SLC36A3: variants seen among roughly 807,000 people sequenced by gnomAD.
SLC36A3 encodes proton-coupled amino acid transporter 3.
SLC36A3 carries 35 observed loss-of-function variants against 44.3 expected under a neutral mutation model. The ratio of observed to expected loss-of-function variants is 0.79; its 90% CI spans 0.60 to 1.05. SLC36A3 has a LOEUF of 1.05. Among genes scored for constraint, SLC36A3 ranks in the 50% least tolerant of loss-of-function variants. SLC36A3 has a pLI of 0.00. For missense variants in SLC36A3, 540 were observed against 578.7 expected (o/e 0.93, Z 0.69); for synonymous variants, 211 against 227.6 (o/e 0.93, Z 0.66).
intron 6 of SLC36A3, among the ~76,000 whole-genome samples, chr5:151,285,534 A>ATGAT (rs891646745): frequency 3.3e-5 from 5 of 152,214 alleles, no homozygotes; most frequent in African/African-American, 4.8e-5. Flanking sequence ...TCTAGGGGGA[A>ATGAT]TGATTATGTT....
At chr5:151,277,793 G>A in intron 9 of SLC36A3, 132 bp from the exon 10 acceptor site, 3 of 1,116,378 alleles carry the variant, frequency 2.7e-6, no homozygotes, top group Non-Finnish European at 3.8e-6. Context: ...GCAGGCTTGG[G>A]GAGGTCAGGC....
At chr5:151,283,655 C>T (rs181313146) in intron 8 of SLC36A3, among the ~76,000 whole-genome samples, 70 of 152,282 alleles carry the variant, frequency 4.6e-4, no homozygotes, top group African/African-American at 1.6e-3. Flanking sequence ...ATCCTACTCA[C>T]CTTGGAAAAA....
At chr5:151,301,096 G>A (rs1187944553) in intron 1 of SLC36A3, among the ~76,000 whole-genome samples, 4 of 152,196 alleles carry the variant, frequency 2.6e-5, no homozygotes, top group Admixed American at 6.5e-5. Flanking sequence ...TTAAGACAGC[G>A]AAAGAAATCA....
At position 151,277,623 on chromosome 5, in the gene SLC36A3, T is replaced by C. The variant is rs1754144014; in HGVS notation, c.1183A>G (p.Ile395Val). The C allele has an allele frequency of 1.2e-5, 19 of 1,614,108 alleles. No homozygotes were observed. Among genetic ancestry groups the C allele is most frequent in the Non-Finnish European group, 1.5e-5 (18 of 1,179,990 alleles). Residue 395 changes from isoleucine to valine, a missense_variant, in exon 10 of 10, where the codon ATC (isoleucine) becomes GTC (valine). By Grantham distance (29) the Ile-to-Val change is conservative. Transcript: ENST00000335230. ...CTGCTCACGGAGCCTACCAGGGAGA[T>C]GACCAAGTCCAGGCGGGGGATGAGG... ...AILIPRLDLV[I>V]SLVGSVSSSA...
intron 6 of SLC36A3, among the ~76,000 whole-genome samples, chr5:151,286,767 G>A (rs944117988): frequency 2.6e-5 from 4 of 152,140 alleles, no homozygotes; most frequent in Non-Finnish European, 5.9e-5. Context: ...GGTTCAATAA[G>A]TTAATGTATG....
chr5:151,292,915 C>T (rs1396006742), intron 4 of SLC36A3, among the ~76,000 whole-genome samples: 5 of 152,186 alleles, frequency 3.3e-5, no homozygotes, highest in Non-Finnish European at 5.9e-5. Flanking sequence ...ACCCAGGAGG[C>T]GGAGGTTGCA....
chr5:151,299,256 C>CTATA (rs1394218183), intron 1 of SLC36A3, among the ~76,000 whole-genome samples: 17 of 76,586 alleles, frequency 2.2e-4, no homozygotes, highest in East Asian at 1.6e-3. Context: ...CTCTCTCTCT[C>CTATA]TCTCTCTCTA....
chr5:151,302,249 T>G (rs375742831), intron 1 of SLC36A3, among the ~76,000 whole-genome samples: 6 of 152,222 alleles, frequency 3.9e-5, no homozygotes, highest in Non-Finnish European at 7.3e-5. Context: ...ACCAATTTAA[T>G]TCTTCCCAAA....
At position 151,284,125 on chromosome 5, in the gene SLC36A3, T is replaced by C. The variant is rs756503397; in HGVS notation, c.893A>G (p.Tyr298Cys). 1 of 1,613,842 alleles carries C rather than the reference T, an allele frequency of 6.2e-7. No individual in the cohort carries two copies. The highest frequency in any genetic ancestry group is 1.1e-5 in the South Asian group (1 of 91,076). Residue 298 changes from tyrosine (Y) to cysteine (C), a missense_variant, in exon 8 of 10, where the codon TAT becomes TGT. Transcript: ENST00000335230. ...YLGMSIVIIL[Y>C]ILLGTLGYMK... ...GTAGCCCAGTGTCCCCAGTAAGATATAGAGGATGATGACAATGGACATCCC... is the reference window on the plus strand; with the variant it reads ...GTAGCCCAGTGTCCCCAGTAAGATACAGAGGATGATGACAATGGACATCCC...
intron 1 of SLC36A3, among the ~76,000 whole-genome samples, chr5:151,299,106 T>C (rs1049694086): frequency 1.3e-5 from 2 of 151,894 alleles, no homozygotes; most frequent in African/African-American, 4.8e-5. Flanking sequence ...CATCAGGTTA[T>C]TTATTAACTC....
At chr5:151,285,301 C>G (rs898570693) in intron 6 of SLC36A3, among the ~76,000 whole-genome samples, 2 of 152,214 alleles carry the variant, frequency 1.3e-5, no homozygotes, top group Admixed American at 1.3e-4. Flanking sequence ...CTTACTTGGA[C>G]TCTTGGATTA....
chr5:151,283,178 C>A (rs1053645559), intron 8 of SLC36A3, among the ~76,000 whole-genome samples: 8 of 152,206 alleles, frequency 5.3e-5, no homozygotes, highest in African/African-American at 1.9e-4. Flanking sequence ...GAGCCACTGC[C>A]CCTGGCCTTC....
intron 1 of SLC36A3, among the ~76,000 whole-genome samples, chr5:151,301,762 C>T (rs1380702553): frequency 6.6e-6 from 1 of 150,504 alleles, no homozygotes; most frequent in Non-Finnish European, 1.5e-5. Flanking sequence ...CAGTCTCTTG[C>T]ACAGCAGATT....
intron 7 of SLC36A3, 66 bp from the exon 8 acceptor site, chr5:151,284,276 G>T: frequency 2.1e-6 from 3 of 1,413,658 alleles, no homozygotes; most frequent in Admixed American, 2.1e-5. Context: ...GTGAAGGAGA[G>T]GGTTCCCGTA....
At chr5:151,280,567 G>A (rs1754270078) in intron 9 of SLC36A3, among the ~76,000 whole-genome samples, 1 of 152,184 alleles carries the variant, frequency 6.6e-6, no homozygotes, top group African/African-American at 2.4e-5. Flanking sequence ...TTTATGATAA[G>A]AAGAAATATG....
intron 3 of SLC36A3, among the ~76,000 whole-genome samples, chr5:151,294,545 G>T (rs997973680): frequency 6.6e-6 from 1 of 151,984 alleles, no homozygotes; most frequent in Admixed American, 6.6e-5. Context: ...AGAAGCAGTC[G>T]GTTGTCTAAC....
rs139688732 is a variant in SLC36A3, at chr5:151,281,067, C to T, written c.1091G>A (p.Ser364Asn). Residue 364 changes from serine (S) to asparagine (N), a missense_variant, in exon 9 of 10, where the codon AGC (serine) becomes AAC (asparagine). Coordinates refer to ENST00000335230, the MANE Select transcript of SLC36A3 (RefSeq NM_181774.4). ...IPFAISQVSE[S>N]WALFVDLSVR... ...AGACAGGTCTACAAACAGTGCCCAG[C>T]TCTCTGACACTTGGGAGATGGCAAA... The T allele has an allele frequency of 6.2e-7, 1 of 1,614,168 alleles. No individual in the cohort carries two copies. Among genetic ancestry groups the T allele is most frequent in the East Asian group, 2.2e-5 (1 of 44,888 alleles).
chr5:151,277,307 G>A lies in SLC36A3; in HGVS notation c.*86C>T. Reference sequence around the variant, plus strand: ...CGCCACTAATTAATATAGAGATGTTGGGATTTGATGAAGGTATATAACATC... The same window carrying A: ...CGCCACTAATTAATATAGAGATGTTAGGATTTGATGAAGGTATATAACATC... On this transcript the variant is annotated 3_prime_UTR_variant, in exon 10 of 10. Transcript: ENST00000335230. 6.6e-7 allele frequency: 1 copy of A among 1,509,124 alleles called. No homozygotes were observed. The highest frequency in any genetic ancestry group is 1.2e-5 in the South Asian group (1 of 81,874). The allele number at this position is 1,509,124 out of a possible 1,614,324, so 93.5% of individuals were successfully genotyped here.
chr5:151,288,558 TTTG>T (rs1404635673), intron 4 of SLC36A3, 88 bp from the exon 5 acceptor site: 3 of 1,059,574 alleles, frequency 2.8e-6, no homozygotes, highest in South Asian at 2.2e-5. Flanking sequence ...AACAATTATT[TTTG>T]TTATTATTTT....
Sources: allele counts gnomAD v4.1 joint callset (sites outside exome capture counted in the v4.1 genomes callset), GRCh38; gene constraint gnomAD v4.1.1; transcripts MANE v1.5; gene names NCBI Gene and HGNC (gene_info 2026-07-23, HGNC 2026-07-21).